The following ALOX12B variants were observed in gnomAD, a reference collection of about 807,000 sequenced individuals.
ALOX12B encodes arachidonate 12-lipoxygenase, 12R type.
In ALOX12B, 47 loss-of-function variants were observed where a neutral mutation model predicts 78.9. The observed-to-expected ratio is 0.60, with a 90% CI of 0.47 to 0.76. The LOEUF (loss-of-function observed/expected upper bound fraction) is 0.76. ALOX12B is among the 30% of genes least tolerant of loss of function. ALOX12B has a pLI of 0.00. For missense variants in ALOX12B, 805 were observed against 922.6 expected (o/e 0.87, Z 1.65); for synonymous variants, 370 against 374.5 (o/e 0.99, Z 0.14).
rs1237171349 is a variant in ALOX12B, at chr17:8,073,229, G to A, written c.1845C>T (p.Phe615=). 3.7e-6 allele frequency: 6 copies of A among 1,614,228 alleles called. No homozygotes were observed. Among genetic ancestry groups the A allele is most frequent in the Non-Finnish European group, 4.2e-6 (5 of 1,180,036 alleles). Residue 615 remains phenylalanine, a synonymous_variant, in exon 14 of 15, where the codon TTC becomes TTT. Coordinates refer to ENST00000647874, the MANE Select transcript of ALOX12B (RefSeq NM_001139.3). ...TCTTCACATCCGGCAACGTGTCCAT[G>A]AAGGTCTCCAGAGTGGTCAGCCCCT... ...QTKGLTTLET[F]MDTLPDVKTT... is the part of the protein sequence containing the mutation.
Position 8,073,323 on chromosome 17 carries a change from AGGTGGGATAGAGGCGCGGGTCTG to A in ALOX12B, c.1756-28_1756-6del. On this transcript the variant is annotated splice_polypyrimidine_tract_variant and splice_region_variant and intron_variant, in intron 13 of 14. Coordinates refer to ENST00000647874, the MANE Select transcript of ALOX12B (RefSeq NM_001139.3). ...CATCCAGGCGGTGAACTCCATCTGGAGGTGGGATAGAGGCGCGGGTCTGGGTGGAAGAGTACCTCAGGAGTTTC... is the reference window on the plus strand; with the variant it reads ...CATCCAGGCGGTGAACTCCATCTGGAGGTGGAAGAGTACCTCAGGAGTTTC... 1 of 1,613,878 alleles carries A rather than the reference AGGTGGGATAGAGGCGCGGGTCTG, an allele frequency of 6.2e-7. No individual in the cohort carries two copies. The highest frequency in any genetic ancestry group is 1.1e-5 in the South Asian group (1 of 91,060).
Position 8,080,454 on chromosome 17 carries a change from C to G in ALOX12B, c.651-116G>C. ...TCTGGGTCTCAGGGTCTGTGCGTCG[C>G]AAAGTCTCTGGGTCCCATGTCTCAA... On this transcript the variant is annotated intron_variant, in intron 5 of 14. Transcript: ENST00000647874. The surrounding 1 kb of genome is among the most constrained non-coding windows in gnomAD (Gnocchi z 4.8). 7.1e-7 allele frequency: 1 copy of G among 1,416,518 alleles called. No homozygotes were observed. Among genetic ancestry groups the G allele is most frequent in the Non-Finnish European group, 1.0e-6 (1 of 1,004,636 alleles). The allele number at this position is 1,416,518 out of a possible 1,614,324, so 87.7% of individuals were successfully genotyped here.
chr17:8,079,328 C>T lies in ALOX12B; in HGVS notation c.1071+68G>A. ...GCAGGTCCACACGCTCACATAAGCG[C>T]GCGCACACTCGGAGGAGCATTCGCG... On this transcript the variant is annotated intron_variant, in intron 8 of 14. Transcript: ENST00000647874. The surrounding 1 kb of genome is among the most constrained non-coding windows in gnomAD (Gnocchi z 6.4). 1.3e-6 allele frequency: 2 copies of T among 1,540,626 alleles called. No individual in the cohort carries two copies. Among genetic ancestry groups the T allele is most frequent in the Non-Finnish European group, 1.8e-6 (2 of 1,141,212 alleles).
chr17:8,078,115 TTTTATTTATTTA>T (rs200983287), intron 8 of ALOX12B, among the ~76,000 whole-genome samples: 4,491 of 143,232 alleles, frequency 0.031, 132 homozygotes, highest in African/African-American at 0.078. Flanking sequence ...TTTTATTTCA[TTTTATTTATTTA>T]TTTATTTATT....
Position 8,086,071 on chromosome 17 carries a change from G to A in ALOX12B, c.297C>T (p.Phe99=). The change falls in exon 2 of 15, where the codon TTC becomes TTT. Residue 99 remains phenylalanine (F), a synonymous_variant. Coordinates refer to ENST00000647874, the MANE Select transcript of ALOX12B (RefSeq NM_001139.3). ...AGCCATCCATCCACTGGTAGGCGGG[G>A]AAGTGGTAGATACGGCCGTTGGGGG... is the stretch of plus-strand genomic sequence containing the variant. ...ICAPNGRIYH[F]PAYQWMDGYE... 6.2e-7 allele frequency: 1 copy of A among 1,614,204 alleles called. No individual in the cohort carries two copies.
Position 8,081,159 on chromosome 17 carries a change from G to A in ALOX12B, c.381C>T (p.Pro127=), listed in dbSNP as rs1350613581. 3.1e-6 allele frequency: 5 copies of A among 1,613,776 alleles called. No individual in the cohort carries two copies. The highest frequency in any genetic ancestry group is 4.5e-5 in the East Asian group (2 of 44,868). Reference sequence around the variant, plus strand: ...CCTCTTTTCTGTGCTCCAGGAGGACGGGGAGCGAGTCATCTGCTGTTGTCT... The same window carrying A: ...CCTCTTTTCTGTGCTCCAGGAGGACAGGGAGCGAGTCATCTGCTGTTGTCT... ...TGKTTADDSL[P]VLLEHRKEEI... is the part of the protein sequence containing the mutation. Residue 127 remains proline (P), a synonymous_variant, in exon 3 of 15, where the codon CCC becomes CCT. Transcript: ENST00000647874.
chr17:8,076,464 CA>C, intron 10 of ALOX12B, 120 bp from the exon 11 acceptor site: 1 of 1,338,608 alleles, frequency 7.5e-7, no homozygotes, highest in African/African-American at 1.5e-5. Flanking sequence ...CCTCCAGGAA[CA>C]ATCCTGCTCT....
At chr17:8,085,003 C>G (rs1050377197) in intron 2 of ALOX12B, among the ~76,000 whole-genome samples, 12 of 152,208 alleles carry the variant, frequency 7.9e-5, no homozygotes, top group African/African-American at 2.4e-4. Flanking sequence ...CACTGGGCAG[C>G]CTTGGCCAGC....
rs397514527 is a variant in ALOX12B at position 8,076,725 on chromosome 17, G to C, written c.1294C>G (p.Arg432Gly). ...ATGCTGTTGATCTGGACGGTGTATC[G>C]GGTATGGGGGATGAGGAGCTGTGGG... ...PLYKLLIPHT[R>G]YTVQINSIGR... The change falls in exon 10 of 15, where the codon CGA (arginine) becomes GGA (glycine). Residue 432 changes from arginine (R) to glycine (G), a missense_variant. Coordinates refer to ENST00000647874, the MANE Select transcript of ALOX12B (RefSeq NM_001139.3). 6.4e-7 allele frequency: 1 copy of C among 1,550,532 alleles called. No homozygotes were observed.
intron 13 of ALOX12B, 152 bp downstream of exon 13, chr17:8,073,505 G>C (rs920848112): frequency 5.8e-6 from 6 of 1,039,914 alleles, no homozygotes; most frequent in Non-Finnish European, 8.7e-6. Context: ...TTGGGGCTGA[G>C]GCTCGGTTTC....
At position 8,073,714 on chromosome 17, in the gene ALOX12B, A is replaced by G. The variant is rs771635328; in HGVS notation, c.1698T>C (p.Tyr566=). The change falls in exon 13 of 15, where the codon TAT becomes TAC. Residue 566 remains tyrosine, a synonymous_variant. Coordinates refer to ENST00000647874, the MANE Select transcript of ALOX12B (RefSeq NM_001139.3). The part of the protein sequence containing the change: ...CLRTVPELIR[Y]VTIVIYTCSA... ...AGCAGGTGTAGATGACTATAGTGAC[A>G]TATCGGATCAGCTCAGGCACGGTTC... is the stretch of plus-strand genomic sequence containing the variant. 6.2e-7 allele frequency: 1 copy of G among 1,613,708 alleles called. No homozygotes were observed. The highest frequency in any genetic ancestry group is 8.5e-7 in the Non-Finnish European group (1 of 1,179,852).
In ALOX12B at chr17:8,080,343, GAGATGGGATTCCAGGA is replaced by G; in HGVS notation, c.651-21_651-6del. ...CGGACTTTGAAAGCCAGTGCCCTAG[GAGATGGGATTCCAGGA>G]AGAGGCCTTCAGAGGGGCTGCCAAG... On this transcript the variant is annotated splice_polypyrimidine_tract_variant and splice_region_variant and intron_variant, in intron 5 of 14. Transcript: ENST00000647874. This position sits in a 1 kb window ranked among gnomAD's most constrained non-coding sequence, Gnocchi z 4.8. The G allele has an allele frequency of 6.2e-7, 1 of 1,614,134 alleles. No homozygotes were observed.
In ALOX12B at chr17:8,080,021, T is replaced by TGGGCA; in HGVS notation, c.755-85_755-81dup. On this transcript the variant is annotated intron_variant, in intron 6 of 14. Coordinates refer to ENST00000647874, the MANE Select transcript of ALOX12B (RefSeq NM_001139.3). This position sits in a 1 kb window ranked among gnomAD's most constrained non-coding sequence, Gnocchi z 4.8. ...AGAGGCATGGGACAGAAGAAGACTATGGGCACCGAGAGGAGTCGGGGAGGA... is the reference window on the plus strand; with the variant it reads ...AGAGGCATGGGACAGAAGAAGACTATGGGCAGGGCACCGAGAGGAGTCGGGGAGGA... 6.4e-7 allele frequency: 1 copy of TGGGCA among 1,559,886 alleles called. No homozygotes were observed. Among genetic ancestry groups the TGGGCA allele is most frequent in the Non-Finnish European group, 8.7e-7 (1 of 1,147,214 alleles).
chr17:8,082,985 T>C (rs1978289058), intron 2 of ALOX12B, among the ~76,000 whole-genome samples: 2 of 152,214 alleles, frequency 1.3e-5, no homozygotes, highest in South Asian at 4.1e-4. Context: ...ATCAAGTTTG[T>C]CTGTTTGTTC....
In ALOX12B at chr17:8,080,146, C is replaced by G. The variant is rs146006866; in HGVS notation, c.754+89G>C. 14 of 1,511,088 alleles carry G rather than the reference C, an allele frequency of 9.3e-6. No homozygotes were observed. Among genetic ancestry groups the G allele is most frequent in the South Asian group, 5.6e-5 (5 of 88,800 alleles). The allele number at this position is 1,511,088 out of a possible 1,614,324, so 93.6% of individuals were successfully genotyped here. A position where few individuals can be genotyped will look rare whatever the true frequency, so the allele number is the denominator to read the frequency against. The stretch of plus-strand genomic sequence containing the variant: ...CGCGCGCGCGCCTCGCTGCCTCTCC[C>G]GTCCCACTGCCCCGAAGTCGGGGGC... On this transcript the variant is annotated intron_variant, in intron 6 of 14. Coordinates refer to ENST00000647874, the MANE Select transcript of ALOX12B (RefSeq NM_001139.3). The surrounding 1 kb of genome is among the most constrained non-coding windows in gnomAD (Gnocchi z 4.8).
At chr17:8,075,000 C>T (rs934027563) in intron 12 of ALOX12B, among the ~76,000 whole-genome samples, 1 of 152,216 alleles carries the variant, frequency 6.6e-6, no homozygotes, top group South Asian at 2.1e-4. Flanking sequence ...CTCTCCACTA[C>T]CCCTTCCCAA....
At chr17:8,081,048 G>GC (rs1003301299) in intron 3 of ALOX12B, 58 bp downstream of exon 3, 95 of 1,612,156 alleles carry the variant, frequency 5.9e-5, no homozygotes, top group Middle Eastern at 1.6e-4. Context: ...AGCCATCACT[G>GC]CCCCCCACCT....
At position 8,087,589 on chromosome 17, in the gene ALOX12B, G is replaced by A; in HGVS notation, c.-147C>T. ...GGTGCAGTGGTGAGGTGGCGAGGTGGGGTGACTAGGCCTGCCAGCCAAATT... is the reference window on the plus strand; with the variant it reads ...GGTGCAGTGGTGAGGTGGCGAGGTGAGGTGACTAGGCCTGCCAGCCAAATT... On this transcript the variant is annotated 5_prime_UTR_variant, in exon 1 of 15. Coordinates refer to ENST00000647874, the MANE Select transcript of ALOX12B (RefSeq NM_001139.3). 7.3e-7 allele frequency: 1 copy of A among 1,371,104 alleles called. No individual in the cohort carries two copies. Among genetic ancestry groups the A allele is most frequent in the South Asian group, 1.2e-5 (1 of 81,494 alleles). 84.9% of individuals were successfully genotyped at this position (1,371,104 alleles called of 1,614,324 possible).
At chr17:8,078,132 T>TTTATTTAA (rs1294854915) in intron 8 of ALOX12B, among the ~76,000 whole-genome samples, 4 of 146,542 alleles carry the variant, frequency 2.7e-5, no homozygotes, top group Non-Finnish European at 4.5e-5. Flanking sequence ...TATTTATTTA[T>TTTATTTAA]TTATTTATTT....
Sources: gnomAD v4.1 joint callset for allele counts (sites outside exome capture counted in the v4.1 genomes callset) on GRCh38, gnomAD v4.1.1 for gene constraint, Gnocchi (gnomAD v3.1) non-coding constraint, MANE v1.5 for transcripts, NCBI Gene and HGNC (gene_info 2026-07-23, HGNC 2026-07-21) for gene names.